Variants in KASH5 observed in about 807,000 individuals in gnomAD.
KASH5 encodes the protein KASH domain containing 5, also known as protein KASH5.
A neutral mutation model predicts 84.2 loss-of-function variants in KASH5; 72 were observed. That is an observed-to-expected ratio of 0.85 (90% CI 0.71 to 1.04). KASH5 has a LOEUF of 1.04. Ranked by LOEUF, KASH5 falls within the 50% of genes least tolerant of loss-of-function variation. The pLI is 0.00. For missense variants in KASH5, 650 were observed against 701.0 expected, an observed-to-expected ratio of 0.93 and a Z score of 0.82; for synonymous variants, 260 against 279.1, an observed-to-expected ratio of 0.93 and a Z score of 0.68.
In KASH5 at chr19:49,399,326, A is replaced by C. The variant is rs1399046673; in HGVS notation, c.748-131A>C. The stretch of plus-strand genomic sequence containing the variant: ...CCATCCTTCTCATGACAAAGGAGAC[A>C]GCAGGAGCCATCAGGGCTTCCCAGA... On this transcript the variant is annotated intron_variant, in intron 8 of 19. Transcript: ENST00000447857. This position sits in a 1 kb window ranked among gnomAD's most constrained non-coding sequence, Gnocchi z 4.4. The C allele has an allele frequency of 1.0e-6, 1 of 1,001,490 alleles. No individual in the cohort carries two copies. Among genetic ancestry groups the C allele is most frequent in the East Asian group, 2.6e-5 (1 of 38,272 alleles). The allele number at this position is 1,001,490 out of a possible 1,614,324, so 62.0% of individuals were successfully genotyped here. A position where few individuals can be genotyped will look rare whatever the true frequency, so the allele number is the denominator to read the frequency against.
At chr19:49,413,131 A>T in intron 16 of KASH5, 105 bp downstream of exon 16, 1 of 1,135,390 alleles carries the variant, frequency 8.8e-7, no homozygotes, top group Non-Finnish European at 1.3e-6. Context: ...TCATTCATTC[A>T]CTCCTTCTTC....
chr19:49,417,069 C>A lies in KASH5; in HGVS notation c.1429C>A (p.Pro477Thr). Residue 477 changes from proline (P) to threonine (T), a missense_variant, in exon 18 of 20, where the codon CCT becomes ACT. Pro to Thr is a conservative substitution (Grantham distance 38). Transcript: ENST00000447857. The surrounding 1 kb of genome is among the most constrained non-coding windows in gnomAD (Gnocchi z 5.2). ...APRPGDIPENPPERPARRELQ... is the reference protein window; with the variant it reads ...APRPGDIPENTPERPARRELQ... ...TCGCCCTGGAGACATCCCAGAAAAC[C>A]CTCCAGAGAGGTAATAGGACCCACA... 1 of 1,597,958 alleles carries A rather than the reference C, an allele frequency of 6.3e-7. No homozygotes were observed. The highest frequency in any genetic ancestry group is 2.3e-5 in the East Asian group (1 of 44,110).
In KASH5 at chr19:49,416,087, G is replaced by A. The variant is rs1366394458; in HGVS notation, c.1375-928G>A. Among the ~76,000 whole-genome samples, 4 of 152,298 alleles carry A rather than the reference G, an allele frequency of 2.6e-5. No individual in the cohort carries two copies. The East Asian group carries it at 7.7e-4, about 29-fold the overall frequency. On this transcript the variant is annotated intron_variant, in intron 17 of 19. Transcript: ENST00000447857. This position sits in a 1 kb window ranked among gnomAD's most constrained non-coding sequence, Gnocchi z 5.4. ...GGAATTAATCAGTGAATTTAGTGTG[G>A]TTGCTGGGTGAAAGATCAAAATAAA...
rs773125475 is a variant in KASH5, at chr19:49,407,699, G to A, written c.993+28G>A. 28 of 1,578,608 alleles carry A rather than the reference G, an allele frequency of 1.8e-5. 1 individual carries two copies. Among genetic ancestry groups the A allele is most frequent in the African/African-American group, 5.4e-5 (4 of 73,950 alleles). On this transcript the variant is annotated intron_variant, in intron 12 of 19. Transcript: ENST00000447857. The stretch of plus-strand genomic sequence containing the variant: ...AACTCAGCGGCCCTCGCCACCCACC[G>A]CGGCCCTCGCCACTTCTCTTTTGCC...
chr19:49,399,108 A>G lies in KASH5; in HGVS notation c.713A>G (p.Gln238Arg), dbSNP rs1974280522. ...LKTLARSLEE[Q>R]NRSLLAQARQ... ...ACTCTGGCCAGGAGCCTGGAGGAAC[A>G]GAATCGCAGCCTTCTGGCCCAAGCC... The change falls in exon 8 of 20, where the codon CAG becomes CGG. Residue 238 changes from glutamine to arginine, a missense_variant. Transcript: ENST00000447857. This position sits in a 1 kb window ranked among gnomAD's most constrained non-coding sequence, Gnocchi z 4.4. The G allele has an allele frequency of 1.3e-6, 2 of 1,551,646 alleles. No homozygotes were observed. Among genetic ancestry groups the G allele is most frequent in the Non-Finnish European group, 1.7e-6 (2 of 1,146,962 alleles).
At chr19:49,404,229 A>G (rs1974455364) in intron 9 of KASH5, among the ~76,000 whole-genome samples, 4 of 152,134 alleles carry the variant, frequency 2.6e-5, no homozygotes, top group African/African-American at 9.7e-5. Context: ...GCCTTGGTGT[A>G]TCCCCTGGAG....
intron 1 of KASH5, 68 bp from the exon 2 acceptor site, chr19:49,390,721 G>A (rs1568607047): frequency 1.5e-6 from 1 of 688,650 alleles, no homozygotes; most frequent in Non-Finnish European, 2.3e-6. Context: ...TGGGGCACAG[G>A]TGGGGCTAGG....
chr19:49,415,111 G>C (rs1204311878), intron 17 of KASH5, 115 bp downstream of exon 17: 4 of 1,023,598 alleles, frequency 3.9e-6, no homozygotes, highest in South Asian at 2.8e-5. Context: ...CAGGAGCAGA[G>C]AGAAAAATCA....
chr19:49,414,801 C>A lies in KASH5; in HGVS notation c.1329-150C>A. On this transcript the variant is annotated intron_variant, in intron 16 of 19. Coordinates refer to ENST00000447857, the MANE Select transcript of KASH5 (RefSeq NM_144688.5). The surrounding 1 kb of genome is among the most constrained non-coding windows in gnomAD (Gnocchi z 4.5). ...CGTGCTGCCTGGCCTCCCCCAGGCC[C>A]GTCCGTGCTGCCTGGCCTCCCCCAG... 1.5e-6 allele frequency: 1 copy of A among 662,914 alleles called. No individual in the cohort carries two copies. 41.1% of individuals were successfully genotyped at this position (662,914 alleles called of 1,614,324 possible).
Position 49,409,244 on chromosome 19 carries a change from A to G in KASH5, c.1107A>G (p.Leu369=). 3.7e-6 allele frequency: 6 copies of G among 1,613,820 alleles called. No homozygotes were observed. Among genetic ancestry groups the G allele is most frequent in the Non-Finnish European group, 5.1e-6 (6 of 1,179,842 alleles). The part of the protein sequence containing the change: ...QLRRVGWTEL[L]PPSLGLEIEA... ...GAAGAGTGGGCTGGACCGAGCTGCT[A>G]CCCCCATCGCTGGGCTTGGAGATCG... The change falls in exon 14 of 20, where the codon CTA becomes CTG. Residue 369 remains leucine, a synonymous_variant. Transcript: ENST00000447857.
At chr19:49,397,550 G>T in intron 5 of KASH5, 101 bp from the exon 6 acceptor site, 1 of 1,011,308 alleles carries the variant, frequency 9.9e-7, no homozygotes, top group African/African-American at 1.6e-5. Flanking sequence ...CCAGAGCACA[G>T]GTGAGGGTGG....
chr19:49,402,749 T>G (rs1974402880), intron 9 of KASH5, among the ~76,000 whole-genome samples: 1 of 152,096 alleles, frequency 6.6e-6, no homozygotes, highest in Non-Finnish European at 1.5e-5. Flanking sequence ...TGAAGCCCCC[T>G]GGCAGAACTT....
chr19:49,414,996 G>T lies in KASH5; in HGVS notation c.1374G>T (p.Thr458=). The T allele has an allele frequency of 6.2e-7, 1 of 1,612,082 alleles. No homozygotes were observed. ...EEEEDAESQV[T]ADLPVPLGAP... ...AGGAGGATGCAGAGAGCCAGGTCAC[G>T]GTAGGCAGTCCCCAGCACCCCTCCC... Residue 458 remains threonine, a splice_region_variant and synonymous_variant, in exon 17 of 20, where the codon ACG becomes ACT. Transcript: ENST00000447857. This position sits in a 1 kb window ranked among gnomAD's most constrained non-coding sequence, Gnocchi z 4.5.
At chr19:49,406,543 A>T (rs1309917772) in intron 9 of KASH5, among the ~76,000 whole-genome samples, 1 of 151,980 alleles carries the variant, frequency 6.6e-6, no homozygotes, top group Non-Finnish European at 1.5e-5. Context: ...TGCCCAGCTA[A>T]TTTTTTTATT....
At chr19:49,390,530 T>G (rs991651764) in intron 1 of KASH5, among the ~76,000 whole-genome samples, 1 of 152,126 alleles carries the variant, frequency 6.6e-6, no homozygotes, top group African/African-American at 2.4e-5. Context: ...CCAGGCAGCC[T>G]GGACCGGCGG....
rs1009747136 is a variant in KASH5 at position 49,417,665 on chromosome 19, A to T, written c.*155A>T. ...CCTGTATTTTTATGTGAAGTCTCCT[A>T]GTTTTTTAATGCTGACATTTCTTAA... On this transcript the variant is annotated 3_prime_UTR_variant, in exon 20 of 20. Transcript: ENST00000447857. The surrounding 1 kb of genome is among the most constrained non-coding windows in gnomAD (Gnocchi z 5.2). 2.0e-5 allele frequency: 19 copies of T among 957,652 alleles called. No individual in the cohort carries two copies. The African/African-American group carries it at 2.8e-4, about 14-fold the overall frequency. 59.3% of individuals were successfully genotyped at this position (957,652 alleles called of 1,614,324 possible). A position where few individuals can be genotyped will look rare whatever the true frequency, so the allele number is the denominator to read the frequency against.
At chr19:49,415,664 C>G (rs1481597376) in intron 17 of KASH5, 1 of 159,648 alleles carries the variant, frequency 6.3e-6, no homozygotes, top group Non-Finnish European at 1.4e-5. Flanking sequence ...ACCCTGGCCC[C>G]GAAGCCCACC....
intron 9 of KASH5, among the ~76,000 whole-genome samples, chr19:49,402,882 C>T (rs1974406029): frequency 6.7e-6 from 1 of 149,748 alleles, no homozygotes; most frequent in Non-Finnish European, 1.5e-5. Context: ...ATCTACACGA[C>T]ATTCATTTCC....
Position 49,417,208 on chromosome 19 carries a change from C to T in KASH5, c.1489C>T (p.Leu497=). 6.2e-7 allele frequency: 1 copy of T among 1,613,886 alleles called. No individual in the cohort carries two copies. The highest frequency in any genetic ancestry group is 8.5e-7 in the Non-Finnish European group (1 of 1,179,850). ...AGCCCTGGTGCCTGTGATGAAAAAG[C>T]TGGTCCCAGTCAGGAGGAGGGCCTG... ...QQALVPVMKK[L]VPVRRRAWGQ... is the part of the protein sequence containing the mutation. The change falls in exon 19 of 20, where the codon CTG becomes TTG. Residue 497 remains leucine, a synonymous_variant. Transcript: ENST00000447857. The surrounding 1 kb of genome is among the most constrained non-coding windows in gnomAD (Gnocchi z 5.2).
Sources: allele counts gnomAD v4.1 joint callset (sites outside exome capture counted in the v4.1 genomes callset), GRCh38; gene constraint gnomAD v4.1.1; non-coding constraint Gnocchi (gnomAD v3.1); transcripts MANE v1.5; gene names NCBI Gene and HGNC (gene_info 2026-07-23, HGNC 2026-07-21).